Variants in CNTNAP5 observed in about 807,000 individuals in gnomAD.
CNTNAP5 encodes contactin associated protein family member 5.
In CNTNAP5, 72 loss-of-function variants were observed where a neutral mutation model predicts 150.2. The ratio of observed to expected loss-of-function variants is 0.48; its 90% CI spans 0.40 to 0.58. The LOEUF is 0.58. Ranked by LOEUF, CNTNAP5 falls within the 20% of genes least tolerant of loss-of-function variation. The pLI is 0.00. For missense variants in CNTNAP5, 1,636 were observed against 1,626.2 expected (o/e 1.01, Z -0.10); for synonymous variants, 672 against 619.8 (o/e 1.08, Z -1.25).
In CNTNAP5 at chr2:124,474,750, A is replaced by C; in HGVS notation, c.930A>C (p.Gly310=). ...ALDIDYELSF[G]GIPVPGKPGT... is the part of the protein sequence containing the mutation. ...TTTCACCCCAAAAGCTTAGTTTTGG[A>C]GGAATTCCAGTACCAGGAAAACCTG... is the stretch of plus-strand genomic sequence containing the variant. Residue 310 remains glycine (G), a synonymous_variant, in exon 7 of 24, where the codon GGA becomes GGC. Coordinates refer to ENST00000682447, the MANE Select transcript of CNTNAP5 (RefSeq NM_001367498.1). 1.3e-6 allele frequency: 2 copies of C among 1,574,734 alleles called. No homozygotes were observed. The highest frequency in any genetic ancestry group is 8.6e-7 in the Non-Finnish European group (1 of 1,164,542).
intron 21 of CNTNAP5, among the ~76,000 whole-genome samples, chr2:124,895,655 A>T (rs1678289130): frequency 1.3e-5 from 2 of 151,528 alleles, no homozygotes; most frequent in Admixed American, 6.6e-5. Flanking sequence ...GGTTAGTTAC[A>T]AGCAAAACAG....
At chr2:124,755,174 C>A (rs1680813120) in intron 14 of CNTNAP5, among the ~76,000 whole-genome samples, 1 of 151,064 alleles carries the variant, frequency 6.6e-6, no homozygotes. Flanking sequence ...TTCTGGAAAA[C>A]AAAACATAGC....
At chr2:124,546,947 G>T (rs1413659260) in intron 10 of CNTNAP5, among the ~76,000 whole-genome samples, 1 of 152,140 alleles carries the variant, frequency 6.6e-6, no homozygotes, top group East Asian at 1.9e-4. Flanking sequence ...AGCACGCTGA[G>T]TCCAGAGTTT....
rs1250182159 is a variant in CNTNAP5, at chr2:124,025,752, G to T, written c.82+20G>T. The T allele has an allele frequency of 3.1e-6, 5 of 1,589,400 alleles. No homozygotes were observed. Among genetic ancestry groups the T allele is most frequent in the East Asian group, 2.2e-5 (1 of 44,740 alleles). ...CAAACTGTGAGTACGAGGAGCTGGG[G>T]GCGGGAAGGTGAGGTGGAAAACGAT... On this transcript the variant is annotated intron_variant, in intron 1 of 23. Coordinates refer to ENST00000682447, the MANE Select transcript of CNTNAP5 (RefSeq NM_001367498.1).
chr2:124,878,416 G>A (rs1415665916), intron 21 of CNTNAP5, among the ~76,000 whole-genome samples: 1 of 152,034 alleles, frequency 6.6e-6, no homozygotes, highest in Non-Finnish European at 1.5e-5. Context: ...CTAGGATGAT[G>A]CCTGCCATTT....
intron 3 of CNTNAP5, among the ~76,000 whole-genome samples, chr2:124,296,063 A>C (rs1202924241): frequency 1.3e-5 from 2 of 152,156 alleles, no homozygotes; most frequent in Non-Finnish European, 2.9e-5. Context: ...CCTTCTATTC[A>C]TATTTTGGCC....
intron 3 of CNTNAP5, among the ~76,000 whole-genome samples, chr2:124,265,631 C>A (rs566093193): frequency 3.9e-5 from 6 of 152,080 alleles, no homozygotes; most frequent in African/African-American, 7.2e-5. Context: ...AGAGAGAAGG[C>A]CCTCTGGCAA....
chr2:124,136,748 C>G (rs1463234870), intron 1 of CNTNAP5, among the ~76,000 whole-genome samples: 3 of 152,144 alleles, frequency 2.0e-5, no homozygotes, highest in African/African-American at 4.8e-5. Context: ...TAAGCAAAAT[C>G]AAGTTTATAC....
At chr2:124,707,609 A>G (rs1315884021) in intron 13 of CNTNAP5, among the ~76,000 whole-genome samples, 1 of 151,514 alleles carries the variant, frequency 6.6e-6, no homozygotes, top group Non-Finnish European at 1.5e-5. Flanking sequence ...ACATTCCTCG[A>G]TGGCCAGAAA....
At chr2:124,854,213 C>T (rs568517876) in intron 19 of CNTNAP5, among the ~76,000 whole-genome samples, 2 of 152,282 alleles carry the variant, frequency 1.3e-5, no homozygotes, top group South Asian at 2.1e-4. Flanking sequence ...CTCCCTTTCC[C>T]TCTGCTTATA....
At chr2:124,231,487 G>T (rs1218013697) in intron 2 of CNTNAP5, among the ~76,000 whole-genome samples, 2 of 152,144 alleles carry the variant, frequency 1.3e-5, no homozygotes, top group Non-Finnish European at 2.9e-5. Context: ...TGATGTTGAT[G>T]TAAGATCTTA....
intron 1 of CNTNAP5, among the ~76,000 whole-genome samples, chr2:124,134,200 G>T (rs1683924226): frequency 6.6e-6 from 1 of 152,100 alleles, no homozygotes; most frequent in Admixed American, 6.5e-5. Context: ...CTTCTCAGGG[G>T]TTCGTTCCAC....
chr2:124,212,086 C>A (rs1686029030), intron 1 of CNTNAP5, among the ~76,000 whole-genome samples: 1 of 152,178 alleles, frequency 6.6e-6, no homozygotes, highest in South Asian at 2.1e-4. Flanking sequence ...TTTACAAATT[C>A]TTTAGTTGCC....
At chr2:124,673,483 T>C (rs901298105) in intron 13 of CNTNAP5, among the ~76,000 whole-genome samples, 2 of 151,756 alleles carry the variant, frequency 1.3e-5, no homozygotes, top group Admixed American at 6.6e-5. Context: ...ATTTCCTAGG[T>C]ATTTTAGATA....
chr2:124,295,442 T>C (rs1230938987), intron 3 of CNTNAP5, among the ~76,000 whole-genome samples: 1 of 152,226 alleles, frequency 6.6e-6, no homozygotes, highest in Non-Finnish European at 1.5e-5. Context: ...GAGAAATGAG[T>C]TAATTTTCCT....
chr2:124,599,149 C>T (rs113923902), intron 11 of CNTNAP5, among the ~76,000 whole-genome samples: 5 of 152,236 alleles, frequency 3.3e-5, no homozygotes, highest in South Asian at 4.1e-4. Flanking sequence ...TGTTCCTATT[C>T]GGCCATCTTG....
At chr2:124,678,346 A>ACTGG (rs1678991178) in intron 13 of CNTNAP5, among the ~76,000 whole-genome samples, 1 of 151,722 alleles carries the variant, frequency 6.6e-6, no homozygotes, top group South Asian at 2.1e-4. Context: ...ATGAGCAATT[A>ACTGG]CTGGGTGTCT....
chr2:124,191,309 G>A lies in CNTNAP5; in HGVS notation c.83-30396G>A, dbSNP rs539089840. Among the ~76,000 whole-genome samples, 19 of 152,220 alleles carry A rather than the reference G, an allele frequency of 1.2e-4. No individual in the cohort carries two copies. In the South Asian group the frequency reaches 3.3e-3, roughly 27 times the overall value. ...TCAAAGGATGGGGATTCTCTGAACC[G>A]CTTAGTTGTGTATTTCAGGGTGTAC... On this transcript the variant is annotated intron_variant, in intron 1 of 23. Coordinates refer to ENST00000682447, the MANE Select transcript of CNTNAP5 (RefSeq NM_001367498.1).
chr2:124,707,113 GAAGAAGAAGA>G (rs1679691205), intron 13 of CNTNAP5, among the ~76,000 whole-genome samples: 1 of 103,064 alleles, frequency 9.7e-6, no homozygotes, highest in Non-Finnish European at 2.0e-5. Flanking sequence ...AGAAGAAGAG[GAAGAAGAAGA>G]AAGAAGAAGA....
Sources: gnomAD v4.1 joint callset for allele counts (sites outside exome capture counted in the v4.1 genomes callset) on GRCh38, gnomAD v4.1.1 for gene constraint, MANE v1.5 for transcripts, NCBI Gene and HGNC (gene_info 2026-07-23, HGNC 2026-07-21) for gene names.